Variants in DIAPH3 observed in about 807,000 individuals in gnomAD.
The protein encoded by DIAPH3 is protein diaphanous homolog 3.
Under a neutral mutation model 144.3 loss-of-function variants are expected in DIAPH3, and 117 were observed. The ratio of observed to expected loss-of-function variants is 0.81; its 90% confidence interval spans 0.70 to 0.95. DIAPH3 has a LOEUF of 0.95. Ranked by LOEUF, DIAPH3 falls within the 40% of genes least tolerant of loss-of-function variation. The pLI, the probability that DIAPH3 is intolerant of heterozygous loss-of-function variation, is 0.00. For synonymous variants in DIAPH3, 519 were observed against 488.9 expected (o/e 1.06, Z -0.81); for missense variants, 1,421 against 1,412.7 (o/e 1.01, Z -0.09).
intron 27 of DIAPH3, among the ~76,000 whole-genome samples, chr13:59,726,082 T>C (rs1386762702): frequency 6.6e-6 from 1 of 152,236 alleles, no homozygotes; most frequent in Non-Finnish European, 1.5e-5. Context: ...TTCCATTCTA[T>C]GAATTAAAAT....
chr13:60,108,215 C>T (rs561588303), intron 3 of DIAPH3, among the ~76,000 whole-genome samples: 43 of 152,212 alleles, frequency 2.8e-4, no homozygotes, highest in Non-Finnish European at 5.9e-4. Flanking sequence ...ATGAATTTCA[C>T]AATAGACTCA....
chr13:59,734,053 A>C (rs1324727315), intron 27 of DIAPH3, among the ~76,000 whole-genome samples: 2 of 152,236 alleles, frequency 1.3e-5, no homozygotes, highest in Admixed American at 6.5e-5. Flanking sequence ...TAGGCATGAT[A>C]TCATCAGGAA....
intron 17 of DIAPH3, among the ~76,000 whole-genome samples, chr13:59,955,088 A>G (rs1021906729): frequency 4.0e-4 from 61 of 151,168 alleles, no homozygotes; most frequent in African/African-American, 1.5e-3. Context: ...ATGTATATAT[A>G]TATATACATG....
intron 24 of DIAPH3, among the ~76,000 whole-genome samples, chr13:59,812,036 T>C (rs1366409804): frequency 6.6e-6 from 1 of 152,114 alleles, no homozygotes; most frequent in African/African-American, 2.4e-5. Flanking sequence ...TGGTATTAAA[T>C]AGAAAAGTGT....
chr13:60,066,816 G>A (rs1178676382), intron 4 of DIAPH3, among the ~76,000 whole-genome samples: 1 of 152,126 alleles, frequency 6.6e-6, no homozygotes, highest in Non-Finnish European at 1.5e-5. Flanking sequence ...ATTGGCAACA[G>A]CTTACATTCA....
chr13:59,921,812 A>C (rs1279900260), intron 18 of DIAPH3, among the ~76,000 whole-genome samples: 1 of 152,040 alleles, frequency 6.6e-6, no homozygotes, highest in Non-Finnish European at 1.5e-5. Flanking sequence ...CTGAAGCAAA[A>C]ATTCTCAACA....
At chr13:60,099,530 G>A (rs562680636) in intron 3 of DIAPH3, among the ~76,000 whole-genome samples, 1 of 152,272 alleles carries the variant, frequency 6.6e-6, no homozygotes, top group African/African-American at 2.4e-5. Context: ...ACAAGAGAGT[G>A]TCAAACTGCA....
chr13:59,784,839 CCACACACGCGCGCACACACACA>C (rs1271608331), intron 25 of DIAPH3, among the ~76,000 whole-genome samples: 1 of 151,054 alleles, frequency 6.6e-6, no homozygotes, highest in East Asian at 1.9e-4. Flanking sequence ...AGAAGAAAAA[CCACACACGCGCGCACACACACA>C]CACACACACA....
At chr13:59,718,705 G>T (rs756377999) in intron 27 of DIAPH3, among the ~76,000 whole-genome samples, 2 of 151,874 alleles carry the variant, frequency 1.3e-5, no homozygotes, top group Non-Finnish European at 2.9e-5. Context: ...GTGGAATGTT[G>T]AAAAAGGAAA....
intron 20 of DIAPH3, among the ~76,000 whole-genome samples, chr13:59,894,894 G>GT (rs1164487788): frequency 1.3e-5 from 2 of 151,918 alleles, no homozygotes; most frequent in Non-Finnish European, 2.9e-5. Context: ...ATAAAATAGG[G>GT]TAGAAAGACT....
chr13:59,875,753 T>A (rs1368175308), intron 21 of DIAPH3, among the ~76,000 whole-genome samples: 1 of 152,172 alleles, frequency 6.6e-6, no homozygotes, highest in Non-Finnish European at 1.5e-5. Context: ...TAAATTCAGT[T>A]ATGTTTACCT....
chr13:59,694,831 A>C (rs1018841874), intron 27 of DIAPH3, among the ~76,000 whole-genome samples: 3 of 152,172 alleles, frequency 2.0e-5, no homozygotes, highest in African/African-American at 2.4e-5. Flanking sequence ...CCTAAAATAT[A>C]AATATTCACA....
chr13:60,142,596 C>G (rs1051480666), intron 1 of DIAPH3, among the ~76,000 whole-genome samples: 1 of 152,124 alleles, frequency 6.6e-6, no homozygotes, highest in Non-Finnish European at 1.5e-5. Context: ...GTGCTCCACA[C>G]GTGTGCGAGT....
intron 20 of DIAPH3, among the ~76,000 whole-genome samples, chr13:59,906,188 T>C (rs2046727994): frequency 1.3e-5 from 2 of 152,168 alleles, no homozygotes; most frequent in South Asian, 2.1e-4. Context: ...CAACTAAGTG[T>C]CCTTCATTAA....
At chr13:60,054,402 A>G (rs554313014) in intron 4 of DIAPH3, among the ~76,000 whole-genome samples, 14 of 152,210 alleles carry the variant, frequency 9.2e-5, no homozygotes, top group African/African-American at 3.4e-4. Flanking sequence ...AAGCCTAAAT[A>G]GTGAAAAAGC....
intron 23 of DIAPH3, among the ~76,000 whole-genome samples, chr13:59,836,665 T>C (rs1261635651): frequency 1.3e-5 from 2 of 151,866 alleles, no homozygotes; most frequent in Non-Finnish European, 2.9e-5. Flanking sequence ...TTTAAAACAA[T>C]TCAATTAATT....
In DIAPH3 at chr13:59,910,535, C is replaced by G. The variant is rs997574123; in HGVS notation, c.2367+1200G>C. ...CTGAGGTCAGGAGTTCGAGACCAGC[C>G]TGGCCAACATGGTGAAACCCCATCT... On this transcript the variant is annotated intron_variant, in intron 20 of 27. Coordinates refer to ENST00000400324, the MANE Select transcript of DIAPH3 (RefSeq NM_001042517.2). Among the ~76,000 whole-genome samples, 3 of 151,926 alleles carry G rather than the reference C, an allele frequency of 2.0e-5. No individual in the cohort carries two copies. In the East Asian group the frequency reaches 5.8e-4, roughly 29 times the overall value.
chr13:59,815,726 G>A (rs550421613), intron 24 of DIAPH3, among the ~76,000 whole-genome samples: 9 of 152,104 alleles, frequency 5.9e-5, no homozygotes, highest in African/African-American at 2.2e-4. Flanking sequence ...AATGCGCTGG[G>A]ATTACAGGGA....
chr13:60,066,099 T>G (rs1382391017), intron 4 of DIAPH3, among the ~76,000 whole-genome samples: 1 of 152,150 alleles, frequency 6.6e-6, no homozygotes, highest in Admixed American at 6.6e-5. Context: ...TTGCACTCAA[T>G]AACATGAATC....
Sources: allele counts gnomAD v4.1 joint callset (sites outside exome capture counted in the v4.1 genomes callset), GRCh38; gene constraint gnomAD v4.1.1; transcripts MANE v1.5; gene names NCBI Gene and HGNC (gene_info 2026-07-23, HGNC 2026-07-21).